RANBP2: variants seen among roughly 807,000 people sequenced by gnomAD.
RANBP2 encodes the protein E3 SUMO-protein ligase RanBP2.
In RANBP2, 57 loss-of-function variants were observed where a neutral mutation model predicts 303.6. That is an observed-to-expected ratio of 0.19 (90% CI 0.15 to 0.23). The LOEUF is 0.23. Ranked by LOEUF, RANBP2 falls within the 10% of genes least tolerant of loss-of-function variation. RANBP2 has a pLI of 1.00. For missense variants in RANBP2, 3,138 were observed against 3,780.8 expected (o/e 0.83, Z 4.46); for synonymous variants, 1,167 against 1,301.5 (o/e 0.90, Z 2.23).
the RANBP2 span, among the ~76,000 whole-genome samples, chr2:109,167,846 C>T: frequency 6.6e-6 from 1 of 152,260 alleles, no homozygotes; most frequent in Non-Finnish European, 1.5e-5. Flanking sequence ...GCTGGGATTA[C>T]AGGCGTGAGC....
chr2:109,186,634 G>A, the RANBP2 span, among the ~76,000 whole-genome samples: 1 of 152,178 alleles, frequency 6.6e-6, no homozygotes, highest in Non-Finnish European at 1.5e-5. Flanking sequence ...TGGGGTTTTG[G>A]GTTGGGATGG....
At chr2:108,958,419 A>AC in the RANBP2 span, among the ~76,000 whole-genome samples, 4,637 of 152,006 alleles carry the variant, frequency 0.031, 145 homozygotes, top group African/African-American at 0.08. Context: ...GAAAAAAAAA[A>AC]CAAAAAACAA....
chr2:108,774,496 T>G (rs1677735420), intron 23 of RANBP2, among the ~76,000 whole-genome samples: 1 of 152,194 alleles, frequency 6.6e-6, no homozygotes, highest in African/African-American at 2.4e-5. Context: ...AATACTGGTA[T>G]CATAAAATGA....
chr2:108,782,090 A>G, intron 26 of RANBP2, 38 bp from the exon 27 acceptor site: 1 of 1,603,038 alleles, frequency 6.2e-7, no homozygotes, highest in Non-Finnish European at 8.5e-7. Flanking sequence ...AATTTATTAT[A>G]AGCAGCAGCT....
At chr2:109,474,486 C>T in the RANBP2 span, among the ~76,000 whole-genome samples, 2 of 152,190 alleles carry the variant, frequency 1.3e-5, no homozygotes, top group African/African-American at 4.8e-5. Flanking sequence ...GCCATGATCC[C>T]TGGGGACAGG....
chr2:109,228,876 G>T, the RANBP2 span, among the ~76,000 whole-genome samples: 2 of 152,190 alleles, frequency 1.3e-5, no homozygotes, highest in Admixed American at 6.5e-5. Context: ...ACACAGGCAT[G>T]ATTGGTTATC....
the RANBP2 span, chr2:109,129,918 C>T: frequency 4.0e-6 from 6 of 1,501,056 alleles, no homozygotes; most frequent in East Asian, 8.2e-5. Context: ...AGCGGCCCCG[C>T]GCGGGCACCA....
At chr2:109,307,612 C>T in the RANBP2 span, among the ~76,000 whole-genome samples, 1 of 134,596 alleles carries the variant, frequency 7.4e-6, no homozygotes, top group African/African-American at 3.0e-5. Context: ...TGTGATATTC[C>T]CCTTCCTGTG....
the RANBP2 span, among the ~76,000 whole-genome samples, chr2:108,790,850 C>CA: frequency 1.3e-5 from 2 of 152,146 alleles, no homozygotes; most frequent in Non-Finnish European, 2.9e-5. Flanking sequence ...CTCCTGGGCT[C>CA]AAACGATCCT....
At chr2:109,436,755 G>T in the RANBP2 span, 1 of 1,362,032 alleles carries the variant, frequency 7.3e-7, no homozygotes, top group Non-Finnish European at 9.8e-7. Context: ...GACGGGCATT[G>T]TTTTAGGACC....
the RANBP2 span, among the ~76,000 whole-genome samples, chr2:108,932,283 CTTT>C: frequency 6.6e-6 from 1 of 152,014 alleles, no homozygotes; most frequent in South Asian, 2.1e-4. Context: ...AATCCCAGCA[CTTT>C]GGGAGGCTGA....
chr2:108,881,547 GGCCTA>G, the RANBP2 span, among the ~76,000 whole-genome samples: 1 of 152,186 alleles, frequency 6.6e-6, no homozygotes, highest in Non-Finnish European at 1.5e-5. Flanking sequence ...TGGCACAAGA[GGCCTA>G]GCTTTCAGCT....
chr2:108,987,041 C>A, the RANBP2 span, among the ~76,000 whole-genome samples: 1 of 152,142 alleles, frequency 6.6e-6, no homozygotes, highest in Non-Finnish European at 1.5e-5. Flanking sequence ...AGTCACTAGG[C>A]AGGCTAGGAG....
chr2:109,520,712 C>A, the RANBP2 span, among the ~76,000 whole-genome samples: 19 of 138,650 alleles, frequency 1.4e-4, 2 homozygotes, highest in South Asian at 4.7e-3. Context: ...AGGTGGATCA[C>A]CTGAGGTCAG....
chr2:109,056,389 G>A, the RANBP2 span, among the ~76,000 whole-genome samples: 29 of 151,098 alleles, frequency 1.9e-4, no homozygotes, highest in African/African-American at 6.6e-4. Context: ...GGCTAGATTC[G>A]AAGTTCTGGC....
chr2:108,780,202 T>A, intron 25 of RANBP2, among the ~76,000 whole-genome samples: 1 of 148,502 alleles, frequency 6.7e-6, no homozygotes. Context: ...TTTTTCCTTT[T>A]TTTTTTTGGT....
At chr2:108,786,607 C>T, downstream of RANBP2, 5 of 574,308 alleles carry the variant, frequency 8.7e-6, no homozygotes, top group East Asian at 3.3e-5. Context: ...TGCAATACTA[C>T]TCAGTTACGA....
At chr2:108,913,299 A>G in the RANBP2 span, among the ~76,000 whole-genome samples, 103 of 152,182 alleles carry the variant, frequency 6.8e-4, 1 homozygote, top group Middle Eastern at 3.4e-3. Context: ...TGCTAAAACT[A>G]AACAGTGTGG....
chr2:108,773,756 C>T (rs1480581051), intron 23 of RANBP2, among the ~76,000 whole-genome samples: 2 of 151,944 alleles, frequency 1.3e-5, no homozygotes, highest in Non-Finnish European at 2.9e-5. Flanking sequence ...AAGTGATTCT[C>T]CTGCCTCAGC....
Sources: gnomAD v4.1 joint callset for allele counts (sites outside exome capture counted in the v4.1 genomes callset) on GRCh38, gnomAD v4.1.1 for gene constraint, MANE v1.5 for transcripts, NCBI Gene and HGNC (gene_info 2026-07-23, HGNC 2026-07-21) for gene names.